The following ARHGAP42 variants were observed in gnomAD, a reference collection of about 807,000 sequenced individuals.
The protein encoded by ARHGAP42 is Rho GTPase activating protein 42.
A neutral mutation model predicts 125.0 loss-of-function variants in ARHGAP42; 63 were observed. The observed-to-expected ratio is 0.50, with a 90% confidence interval of 0.41 to 0.62. ARHGAP42 has a LOEUF of 0.62. Among genes scored for constraint, ARHGAP42 ranks in the 20% least tolerant of loss-of-function variants. The pLI is 0.00. For missense variants in ARHGAP42, 766 were observed against 1,024.2 expected (o/e 0.75, Z 3.44); for synonymous variants, 339 against 351.0 (o/e 0.97, Z 0.38).
chr11:100,804,592 TG>T (rs1863945957), intron 3 of ARHGAP42, among the ~76,000 whole-genome samples: 2 of 151,592 alleles, frequency 1.3e-5, no homozygotes, highest in East Asian at 3.9e-4. Flanking sequence ...CCACCTGGGC[TG>T]GAGTGCAATG....
chr11:100,911,103 T>C (rs767260326), intron 4 of ARHGAP42, among the ~76,000 whole-genome samples: 4 of 152,216 alleles, frequency 2.6e-5, no homozygotes, highest in African/African-American at 7.2e-5. Context: ...TATTTTAAGA[T>C]GAAAGGGAGT....
intron 1 of ARHGAP42, among the ~76,000 whole-genome samples, chr11:100,741,980 G>C (rs1862197266): frequency 6.6e-6 from 1 of 152,180 alleles, no homozygotes; most frequent in South Asian, 2.1e-4. Context: ...AAAAAACCTA[G>C]AGGAAACCTT....
intron 3 of ARHGAP42, among the ~76,000 whole-genome samples, chr11:100,837,666 C>CTATTTTT (rs1555008871): frequency 1.1e-4 from 7 of 61,038 alleles, no homozygotes; most frequent in East Asian, 1.2e-3. Flanking sequence ...AGGTGTCATC[C>CTATTTTT]TTTTTTTTTT....
At chr11:100,793,915 A>G (rs1863637620) in intron 2 of ARHGAP42, among the ~76,000 whole-genome samples, 2 of 151,880 alleles carry the variant, frequency 1.3e-5, no homozygotes, top group Admixed American at 6.6e-5. Flanking sequence ...TACAAAATAA[A>G]TAAGTAAATA....
At chr11:100,884,024 A>G (rs1233357852) in intron 4 of ARHGAP42, among the ~76,000 whole-genome samples, 1 of 152,246 alleles carries the variant, frequency 6.6e-6, no homozygotes, top group Non-Finnish European at 1.5e-5. Flanking sequence ...TTTATGAGTC[A>G]TGCTACCTTA....
At chr11:100,936,687 T>C (rs886708207) in intron 8 of ARHGAP42, among the ~76,000 whole-genome samples, 1 of 152,214 alleles carries the variant, frequency 6.6e-6, no homozygotes, top group African/African-American at 2.4e-5. Context: ...AGTTTTACCC[T>C]CTGGCAGCAT....
chr11:100,803,320 C>T lies in ARHGAP42; in HGVS notation c.312+8154C>T, dbSNP rs184556227. The stretch of plus-strand genomic sequence containing the variant: ...CTAGCATTCAGGGGAGGAGCTGGGG[C>T]TGGAGATATAAATTTAGGAGTTGTC... On this transcript the variant is annotated intron_variant, in intron 3 of 23. Transcript: ENST00000298815. Among the ~76,000 whole-genome samples the T allele has an allele frequency of 2.6e-5, 4 of 151,942 alleles. No individual in the cohort carries two copies. The East Asian group carries it at 7.8e-4, about 29-fold the overall frequency.
intron 3 of ARHGAP42, among the ~76,000 whole-genome samples, chr11:100,815,969 T>C (rs1458687899): frequency 6.6e-6 from 1 of 152,228 alleles, no homozygotes; most frequent in East Asian, 1.9e-4. Context: ...TGTTGTAGCA[T>C]GCGTCAGAAT....
intron 2 of ARHGAP42, among the ~76,000 whole-genome samples, chr11:100,777,388 T>G (rs1364334622): frequency 6.6e-6 from 1 of 152,322 alleles, no homozygotes; most frequent in Admixed American, 6.5e-5. Flanking sequence ...ATACCTGATC[T>G]GAGGGTGTCA....
At chr11:100,870,887 G>C (rs753793918) in intron 4 of ARHGAP42, among the ~76,000 whole-genome samples, 1 of 151,258 alleles carries the variant, frequency 6.6e-6, no homozygotes, top group African/African-American at 2.4e-5. Context: ...ATTGTTGATT[G>C]GTTGTTGAGA....
rs75703037 is a variant in ARHGAP42 at position 100,969,532 on chromosome 11, A to G, written c.1551-3643A>G. Reference sequence around the variant, plus strand: ...GTCACAGATTTTTTTCTGATGATCTATCTTTCTTTATTTTTTTCTTTCTCT... The same window carrying G: ...GTCACAGATTTTTTTCTGATGATCTGTCTTTCTTTATTTTTTTCTTTCTCT... On this transcript the variant is annotated intron_variant, in intron 17 of 23. Coordinates refer to ENST00000298815, the MANE Select transcript of ARHGAP42 (RefSeq NM_152432.4). 4.1e-3 allele frequency among the ~76,000 whole-genome samples: 624 copies of G among 151,968 alleles called. 11 individuals carry two copies. Among genetic ancestry groups the G allele is most frequent in the Admixed American group, 0.034 (524 of 15,266 alleles).
intron 3 of ARHGAP42, among the ~76,000 whole-genome samples, chr11:100,840,885 T>A (rs1864931467): frequency 6.6e-6 from 1 of 152,176 alleles, no homozygotes; most frequent in African/African-American, 2.4e-5. Context: ...GACACTATGT[T>A]AGTGCTGAGT....
rs546266454 is a variant in ARHGAP42, at chr11:100,771,896, G to A, written c.250+1458G>A. ...ATTACAGACGTGAGCCACTGCGCCC[G>A]GCTGGAAATCTTAATTGCAGGTCTT... On this transcript the variant is annotated intron_variant, in intron 2 of 23. Coordinates refer to ENST00000298815, the MANE Select transcript of ARHGAP42 (RefSeq NM_152432.4). Among the ~76,000 whole-genome samples, 165 of 152,124 alleles carry A rather than the reference G, an allele frequency of 1.1e-3. 1 individual carries two copies. Among genetic ancestry groups the A allele is most frequent in the African/African-American group, 3.7e-3 (153 of 41,508 alleles).
At chr11:100,735,734 T>C (rs1313651803) in intron 1 of ARHGAP42, among the ~76,000 whole-genome samples, 1 of 146,588 alleles carries the variant, frequency 6.8e-6, no homozygotes, top group Non-Finnish European at 1.5e-5. Context: ...TCAGACTCCC[T>C]AGTAGCTGGG....
chr11:100,832,131 G>T (rs1033540346), intron 3 of ARHGAP42, among the ~76,000 whole-genome samples: 1 of 152,212 alleles, frequency 6.6e-6, no homozygotes, highest in Non-Finnish European at 1.5e-5. Flanking sequence ...GTGAGCCCAC[G>T]CCAGGCTGTT....
chr11:100,970,956 G>A (rs1858227267), intron 17 of ARHGAP42, among the ~76,000 whole-genome samples: 1 of 152,028 alleles, frequency 6.6e-6, no homozygotes, highest in Non-Finnish European at 1.5e-5. Flanking sequence ...GAGGGCCTGA[G>A]ATATGCTCAC....
intron 3 of ARHGAP42, among the ~76,000 whole-genome samples, chr11:100,808,507 G>A (rs1257327565): frequency 1.4e-5 from 2 of 147,122 alleles, no homozygotes; most frequent in African/African-American, 2.5e-5. Flanking sequence ...CCGGGTTCAC[G>A]CCATTCTCCT....
chr11:100,948,627 T>G, intron 11 of ARHGAP42, 92 bp downstream of exon 11: 1 of 983,130 alleles, frequency 1.0e-6, no homozygotes. Flanking sequence ...ATGTTTTGCC[T>G]GTAGTATAAT....
At chr11:100,867,732 C>T (rs183982541) in intron 4 of ARHGAP42, among the ~76,000 whole-genome samples, 295 of 152,352 alleles carry the variant, frequency 1.9e-3, no homozygotes, top group African/African-American at 6.7e-3. Flanking sequence ...GCTTGGTTGA[C>T]TGGCACAAGA....
Sources: gnomAD v4.1 joint callset for allele counts (sites outside exome capture counted in the v4.1 genomes callset) on GRCh38, gnomAD v4.1.1 for gene constraint, MANE v1.5 for transcripts, NCBI Gene and HGNC (gene_info 2026-07-23, HGNC 2026-07-21) for gene names.